PLXDC2: variants seen among roughly 807,000 people sequenced by gnomAD.
The protein encoded by PLXDC2 is plexin domain-containing protein 2.
A neutral mutation model predicts 68.9 loss-of-function variants in PLXDC2; 40 were observed. That is an observed-to-expected ratio of 0.58 (90% CI 0.45 to 0.76). The LOEUF (loss-of-function observed/expected upper bound fraction) is 0.76. Among genes scored for constraint, PLXDC2 ranks in the 30% least tolerant of loss-of-function variants. The probability of loss-of-function intolerance (pLI) is 0.00; values close to 1 mark genes in which losing one functional copy is unlikely to be tolerated. For synonymous variants in PLXDC2, 243 were observed against 234.2 expected (o/e 1.04, Z -0.34); for missense variants, 644 against 661.9 (o/e 0.97, Z 0.30).
At chr10:20,189,064 CTGAAAT>C in intron 9 of PLXDC2, among the ~76,000 whole-genome samples, 1 of 75,106 alleles carries the variant, frequency 1.3e-5, no homozygotes, top group Non-Finnish European at 4.8e-5. Context: ...GCTGCTTGTC[CTGAAAT>C]ATAGCATAAA....
intron 1 of PLXDC2, among the ~76,000 whole-genome samples, chr10:20,000,521 G>T (rs1834917504): frequency 6.6e-6 from 1 of 151,902 alleles, no homozygotes; most frequent in Non-Finnish European, 1.5e-5. Context: ...GACAATAAGA[G>T]ATCTTTTACT....
intron 2 of PLXDC2, among the ~76,000 whole-genome samples, chr10:20,040,792 T>C (rs935653535): frequency 1.3e-5 from 2 of 152,188 alleles, no homozygotes; most frequent in Non-Finnish European, 2.9e-5. Context: ...GACAATACTA[T>C]GTTTGAGGAA....
At chr10:20,084,010 A>G (rs1369535276) in intron 4 of PLXDC2, among the ~76,000 whole-genome samples, 1 of 152,224 alleles carries the variant, frequency 6.6e-6, no homozygotes, top group African/African-American at 2.4e-5. Context: ...CTATTTAATT[A>G]ACAATGTTAT....
At chr10:19,928,975 G>T (rs1409185159) in intron 1 of PLXDC2, among the ~76,000 whole-genome samples, 1 of 151,424 alleles carries the variant, frequency 6.6e-6, no homozygotes, top group African/African-American at 2.4e-5. Flanking sequence ...GGCTTGTCTC[G>T]AACTCCTGAC....
At chr10:20,142,530 G>T (rs1834020218) in intron 4 of PLXDC2, among the ~76,000 whole-genome samples, 1 of 152,050 alleles carries the variant, frequency 6.6e-6, no homozygotes, top group South Asian at 2.1e-4. Context: ...AATTGAAAGT[G>T]GGTTAGACAT....
chr10:19,886,439 G>A (rs1356404685), intron 1 of PLXDC2, among the ~76,000 whole-genome samples: 4 of 152,096 alleles, frequency 2.6e-5, no homozygotes, highest in Admixed American at 1.3e-4. Context: ...GATCAAGTGG[G>A]CTTCATCCCT....
intron 1 of PLXDC2, among the ~76,000 whole-genome samples, chr10:19,915,100 G>A (rs892452695): frequency 1.3e-5 from 2 of 151,942 alleles, no homozygotes; most frequent in Admixed American, 1.3e-4. Context: ...GGTATATTTA[G>A]AACATTTACA....
chr10:19,852,781 T>C (rs1837146678), intron 1 of PLXDC2, among the ~76,000 whole-genome samples: 1 of 152,208 alleles, frequency 6.6e-6, no homozygotes, highest in South Asian at 2.1e-4. Flanking sequence ...GTCTACAGAA[T>C]AGTGCCCATT....
chr10:20,072,645 G>C (rs777092737), intron 4 of PLXDC2, among the ~76,000 whole-genome samples: 27 of 152,206 alleles, frequency 1.8e-4, no homozygotes, highest in Non-Finnish European at 3.7e-4. Context: ...TGGAAGGCAG[G>C]TTAGGGTGAA....
intron 4 of PLXDC2, among the ~76,000 whole-genome samples, chr10:20,122,036 G>A (rs564853246): frequency 1.2e-4 from 18 of 151,916 alleles, no homozygotes; most frequent in East Asian, 3.9e-4. Flanking sequence ...AGAGGAGGAC[G>A]CAAAGGAGGC....
chr10:20,211,577 G>A, intron 9 of PLXDC2, 92 bp from the exon 10 acceptor site: 1 of 1,083,792 alleles, frequency 9.2e-7, no homozygotes, highest in Non-Finnish European at 1.3e-6. Context: ...ATGTGAGAAT[G>A]AACTACCTAC....
chr10:19,947,105 TA>T (rs1833913683), intron 1 of PLXDC2, among the ~76,000 whole-genome samples: 1 of 152,010 alleles, frequency 6.6e-6, no homozygotes, highest in Admixed American at 6.5e-5. Flanking sequence ...GAGATGAAGA[TA>T]GGGGAAGCCA....
chr10:20,176,466 A>G (rs888760772), intron 7 of PLXDC2, among the ~76,000 whole-genome samples: 1 of 151,922 alleles, frequency 6.6e-6, no homozygotes, highest in South Asian at 2.1e-4. Context: ...TTCAAGCACA[A>G]TGCAATATTA....
intron 4 of PLXDC2, among the ~76,000 whole-genome samples, chr10:20,110,447 T>C (rs1448864882): frequency 6.6e-6 from 1 of 152,206 alleles, no homozygotes; most frequent in Non-Finnish European, 1.5e-5. Context: ...TGATCAGAAA[T>C]TGTCTCCTTA....
intron 1 of PLXDC2, among the ~76,000 whole-genome samples, chr10:19,987,186 G>A (rs1834655877): frequency 6.6e-6 from 1 of 152,154 alleles, no homozygotes; most frequent in Non-Finnish European, 1.5e-5. Flanking sequence ...CCCTGACCCA[G>A]GCTAGGAGCA....
chr10:20,084,137 A>T (rs1833157412), intron 4 of PLXDC2, among the ~76,000 whole-genome samples: 1 of 152,228 alleles, frequency 6.6e-6, no homozygotes, highest in Non-Finnish European at 1.5e-5. Flanking sequence ...GGACTTCAAG[A>T]GTAGACCAAT....
At chr10:19,924,122 T>C (rs1833502831) in intron 1 of PLXDC2, among the ~76,000 whole-genome samples, 1 of 152,144 alleles carries the variant, frequency 6.6e-6, no homozygotes, top group Non-Finnish European at 1.5e-5. Flanking sequence ...TAAAAAACTT[T>C]CTTATAAAAG....
At chr10:20,257,997 C>CTTTTTTTTTTTTTTTTT in intron 13 of PLXDC2, among the ~76,000 whole-genome samples, 1 of 84,358 alleles carries the variant, frequency 1.2e-5, no homozygotes, top group African/African-American at 4.5e-5. Context: ...TTTTTTCTTT[C>CTTTTTTTTTTTTTTTTT]TTTTTTTTTT....
intron 9 of PLXDC2, among the ~76,000 whole-genome samples, chr10:20,189,031 A>ATAC (rs1313135631): frequency 7.7e-6 from 1 of 130,054 alleles, no homozygotes; most frequent in Non-Finnish European, 1.9e-5. Context: ...AATTTTAATG[A>ATAC]AGAATCTTCG....
Sources: allele counts gnomAD v4.1 joint callset (sites outside exome capture counted in the v4.1 genomes callset), GRCh38; gene constraint gnomAD v4.1.1; transcripts MANE v1.5; gene names NCBI Gene and HGNC (gene_info 2026-07-23, HGNC 2026-07-21).